Variants in RAB12 observed in about 807,000 individuals in gnomAD.
The protein encoded by RAB12 is ras-related protein Rab-12.
RAB12 carries 11 observed loss-of-function variants against 28.4 expected under a neutral mutation model. The ratio of observed to expected loss-of-function variants is 0.39; its 90% confidence interval spans 0.24 to 0.64. The LOEUF (loss-of-function observed/expected upper bound fraction) is 0.64, where lower values mean the gene tolerates loss of function less well. RAB12 is among the 30% of genes least tolerant of loss of function. The pLI, the probability that RAB12 is intolerant of heterozygous loss-of-function variation, is 0.50. For synonymous variants in RAB12, 138 were observed against 145.3 expected, an observed-to-expected ratio of 0.95 and a Z score of 0.36; for missense variants, 276 against 351.1, an observed-to-expected ratio of 0.79 and a Z score of 1.71.
intron 1 of RAB12, among the ~76,000 whole-genome samples, chr18:8,615,794 A>G (rs1037163879): frequency 6.6e-6 from 1 of 152,252 alleles, no homozygotes; most frequent in Non-Finnish European, 1.5e-5. Context: ...TTGAATAAAA[A>G]TCTATTTAAA....
intron 1 of RAB12, among the ~76,000 whole-genome samples, chr18:8,619,157 C>T (rs772135335): frequency 2.0e-5 from 3 of 152,182 alleles, no homozygotes; most frequent in Non-Finnish European, 4.4e-5. Flanking sequence ...AATTCTTCAA[C>T]TTCTTGAAAG....
At chr18:8,629,817 C>T (rs2096014892) in intron 2 of RAB12, among the ~76,000 whole-genome samples, 2 of 152,206 alleles carry the variant, frequency 1.3e-5, no homozygotes, top group Non-Finnish European at 2.9e-5. Flanking sequence ...CCTCCCCTTT[C>T]AGGAACTCCC....
In RAB12 at chr18:8,638,317, C is replaced by G. The variant is rs938013832; in HGVS notation, c.*55C>G. On this transcript the variant is annotated 3_prime_UTR_variant, in exon 6 of 6. Transcript: ENST00000649141. The stretch of plus-strand genomic sequence containing the variant: ...ATTCCTGGAAAGGGGAAAAAACGTT[C>G]TATTCTGCACTACAATCATTTTGAC... 1 of 1,158,402 alleles carries G rather than the reference C, an allele frequency of 8.6e-7. No homozygotes were observed. The highest frequency in any genetic ancestry group is 1.3e-6 in the Non-Finnish European group (1 of 772,180). 71.8% of individuals were successfully genotyped at this position (1,158,402 alleles called of 1,614,324 possible). A position where few individuals can be genotyped will look rare whatever the true frequency, so the allele number is the denominator to read the frequency against.
At chr18:8,620,919 CAAG>C (rs2096009554) in intron 1 of RAB12, among the ~76,000 whole-genome samples, 1 of 152,148 alleles carries the variant, frequency 6.6e-6, no homozygotes, top group Non-Finnish European at 1.5e-5. Context: ...TCTGGGCAGA[CAAG>C]GAGTTTCTCT....
chr18:8,633,083 C>G lies in RAB12; in HGVS notation c.576-106C>G, dbSNP rs764524009. On this transcript the variant is annotated intron_variant, in intron 2 of 5. Transcript: ENST00000649141. ...AAGGGAAATAGGGGTTACTCTCGTT[C>G]TTTTTTCGCAGAAAAACTGCAGCAT... 2.3e-5 allele frequency: 33 copies of G among 1,439,772 alleles called. No homozygotes were observed. The Middle Eastern group carries it at 5.2e-4, about 23-fold the overall frequency. 89.2% of individuals were successfully genotyped at this position (1,439,772 alleles called of 1,614,324 possible).
intron 1 of RAB12, among the ~76,000 whole-genome samples, chr18:8,611,615 G>A (rs2096003865): frequency 6.6e-6 from 1 of 152,160 alleles, no homozygotes; most frequent in African/African-American, 2.4e-5. Context: ...GAATGGACCC[G>A]ATCCTATGGG....
chr18:8,611,721 G>C (rs559151321), intron 1 of RAB12, among the ~76,000 whole-genome samples: 2 of 152,272 alleles, frequency 1.3e-5, no homozygotes, highest in East Asian at 3.9e-4. Context: ...AGCTGCGGAG[G>C]ATGCTTGGGA....
chr18:8,627,599 G>A (rs2096013466), intron 2 of RAB12, among the ~76,000 whole-genome samples: 1 of 152,212 alleles, frequency 6.6e-6, no homozygotes, highest in African/African-American at 2.4e-5. Context: ...AATAAAACAT[G>A]TTGACTAGGA....
intron 1 of RAB12, among the ~76,000 whole-genome samples, chr18:8,610,496 G>A (rs1487853354): frequency 6.6e-6 from 1 of 152,242 alleles, no homozygotes; most frequent in Non-Finnish European, 1.5e-5. Flanking sequence ...ACGGGGCAGA[G>A]GAGCTTCAGC....
intron 1 of RAB12, among the ~76,000 whole-genome samples, chr18:8,623,090 C>G (rs1251502907): frequency 6.6e-6 from 1 of 152,096 alleles, no homozygotes; most frequent in Non-Finnish European, 1.5e-5. Flanking sequence ...ACAATTATCA[C>G]ATGGTCCTGA....
At chr18:8,613,858 G>A (rs148020816) in intron 1 of RAB12, among the ~76,000 whole-genome samples, 1 of 152,038 alleles carries the variant, frequency 6.6e-6, no homozygotes, top group Admixed American at 6.6e-5. Flanking sequence ...AGTAGTAGTA[G>A]TAGTAGTAGT....
intron 2 of RAB12, among the ~76,000 whole-genome samples, chr18:8,628,083 C>G (rs918296621): frequency 6.6e-6 from 1 of 152,110 alleles, no homozygotes; most frequent in Non-Finnish European, 1.5e-5. Context: ...AGCTGACGTT[C>G]ATAACTTGCA....
Position 8,618,083 on chromosome 18 carries a change from A to C in RAB12, c.515-6855A>C, listed in dbSNP as rs575069798. 8.5e-5 allele frequency among the ~76,000 whole-genome samples: 13 copies of C among 152,248 alleles called. No homozygotes were observed. In the East Asian group the frequency reaches 2.1e-3, roughly 25 times the overall value. ...CCACTCACTCTGCTGGGCTCCAGCC[A>C]CGCCTCTCCTTGGAGGCCCAGGACC... On this transcript the variant is annotated intron_variant, in intron 1 of 5. Coordinates refer to ENST00000649141, the MANE Select transcript of RAB12 (RefSeq NM_001025300.3).
At chr18:8,635,857 C>G (rs1051326603) in intron 4 of RAB12, 2 of 465,426 alleles carry the variant, frequency 4.3e-6, no homozygotes, top group African/African-American at 4.0e-5. Flanking sequence ...TCTAACCTGA[C>G]ATTTTATACA....
intron 1 of RAB12, among the ~76,000 whole-genome samples, chr18:8,617,151 G>C (rs2096007140): frequency 6.6e-6 from 1 of 152,140 alleles, no homozygotes; most frequent in Non-Finnish European, 1.5e-5. Context: ...TCACAGTATA[G>C]GCATAAATGA....
At chr18:8,624,129 G>A (rs1279234512) in intron 1 of RAB12, among the ~76,000 whole-genome samples, 1 of 152,256 alleles carries the variant, frequency 6.6e-6, no homozygotes, top group Non-Finnish European at 1.5e-5. Context: ...TCAGGAAGTC[G>A]TTCCTGTAGG....
chr18:8,625,009 G>A lies in RAB12; in HGVS notation c.575+11G>A. ...TAGATTACAGATCTGGTAAGTGGGAGAGTGTGCACCCAGTAATGTGCTGTG... is the reference window on the plus strand; with the variant it reads ...TAGATTACAGATCTGGTAAGTGGGAAAGTGTGCACCCAGTAATGTGCTGTG... On this transcript the variant is annotated intron_variant, in intron 2 of 5. Coordinates refer to ENST00000649141, the MANE Select transcript of RAB12 (RefSeq NM_001025300.3). The A allele has an allele frequency of 6.4e-7, 1 of 1,565,672 alleles. No homozygotes were observed. Among genetic ancestry groups the A allele is most frequent in the Non-Finnish European group, 8.8e-7 (1 of 1,136,788 alleles).
chr18:8,620,548 T>C (rs1356486794), intron 1 of RAB12, among the ~76,000 whole-genome samples: 2 of 150,558 alleles, frequency 1.3e-5, no homozygotes, highest in Non-Finnish European at 3.0e-5. Flanking sequence ...CCACACCTGC[T>C]ACTCAGATGC....
At chr18:8,625,044 C>A in intron 2 of RAB12, 46 bp downstream of exon 2, 2 of 1,225,844 alleles carry the variant, frequency 1.6e-6, no homozygotes, top group Non-Finnish European at 2.4e-6. Flanking sequence ...GTGTGTTTAA[C>A]AGTCCATGTA....
Sources: allele counts gnomAD v4.1 joint callset (sites outside exome capture counted in the v4.1 genomes callset), GRCh38; gene constraint gnomAD v4.1.1; transcripts MANE v1.5; gene names NCBI Gene and HGNC (gene_info 2026-07-23, HGNC 2026-07-21).